The following RUSC1 variants were observed in gnomAD, a reference collection of about 807,000 sequenced individuals.
RUSC1 encodes the protein RUN and SH3 domain containing 1.
RUSC1 carries 40 observed loss-of-function variants against 72.1 expected under a neutral mutation model. The observed-to-expected ratio is 0.55, with a 90% CI of 0.43 to 0.72. The LOEUF is 0.72. Among genes scored for constraint, RUSC1 ranks in the 30% least tolerant of loss-of-function variants. RUSC1 has a pLI of 0.00. For missense variants in RUSC1, 1,092 were observed against 1,172.3 expected, an observed-to-expected ratio of 0.93 and a Z score of 1.00; for synonymous variants, 512 against 494.2, an observed-to-expected ratio of 1.04 and a Z score of -0.48.
In RUSC1 at chr1:155,322,708, C is replaced by T. The variant is rs1484793199; in HGVS notation, c.935C>T (p.Thr312Ile). The T allele has an allele frequency of 6.2e-7, 1 of 1,614,248 alleles. No homozygotes were observed. Among genetic ancestry groups the T allele is most frequent in the Non-Finnish European group, 8.5e-7 (1 of 1,180,050 alleles). ...DVSEEPVPHR[T>I]ITSFHELAQK... ...AGCGAGGAGCCGGTGCCCCACCGGA[C>T]AATCACGTCCTTCCACGAGCTGGCC... Residue 312 changes from threonine to isoleucine, a missense_variant, in exon 2 of 10, where the codon ACA (threonine) becomes ATA (isoleucine). Physicochemically the swap from Thr to Ile is moderately conservative, Grantham distance 89. Transcript: ENST00000368352.
Position 155,325,265 on chromosome 1 carries a change from G to A in RUSC1, c.1534-51G>A. 1 of 1,608,828 alleles carries A rather than the reference G, an allele frequency of 6.2e-7. No homozygotes were observed. ...CGGGAATGGTTGGCGGGAGGTGGCT[G>A]GGAGGTGTCTGGAGGGATCTCTGGA... On this transcript the variant is annotated intron_variant, in intron 4 of 9. Transcript: ENST00000368352. The surrounding 1 kb of genome is among the most constrained non-coding windows in gnomAD (Gnocchi z 6.5).
chr1:155,321,700 G>GGTT lies in RUSC1; in HGVS notation c.-72_-70dup. Reference sequence around the variant, plus strand: ...CTCTGTCTTCTAGGTCTGCACCTGTGGTTGCCAGGTAGGTGGATGTGAGAG... The same window carrying GGTT: ...CTCTGTCTTCTAGGTCTGCACCTGTGGTTGTTGCCAGGTAGGTGGATGTGAGAG... On this transcript the variant is annotated 5_prime_UTR_variant, in exon 2 of 10. Coordinates refer to ENST00000368352, the MANE Select transcript of RUSC1 (RefSeq NM_001105203.2). 1 of 1,565,268 alleles carries GGTT rather than the reference G, an allele frequency of 6.4e-7. No homozygotes were observed. Among genetic ancestry groups the GGTT allele is most frequent in the Non-Finnish European group, 8.7e-7 (1 of 1,142,900 alleles).
At position 155,325,887 on chromosome 1, in the gene RUSC1, T is replaced by C; in HGVS notation, c.1838T>C (p.Phe613Ser). 1 of 1,614,132 alleles carries C rather than the reference T, an allele frequency of 6.2e-7. No individual in the cohort carries two copies. Among genetic ancestry groups the C allele is most frequent in the Non-Finnish European group, 8.5e-7 (1 of 1,180,022 alleles). The change falls in exon 7 of 10, where the codon TTT (phenylalanine) becomes TCT (serine). Residue 613 changes from phenylalanine to serine, a missense_variant. Physicochemically the swap from Phe to Ser is radical, Grantham distance 155 (BLOSUM62 -2). Transcript: ENST00000368352. The surrounding 1 kb of genome is among the most constrained non-coding windows in gnomAD (Gnocchi z 6.5). ...LLNTKQLELW[F>S]SSLQEDAGLL... is the part of the protein sequence containing the mutation. The stretch of plus-strand genomic sequence containing the variant: ...AGCACCAAGCAGTTGGAGCTGTGGT[T>C]TTCCAGTCTCCAGGAAGATGCAGGT...
In RUSC1 at chr1:155,326,836, T is replaced by G. The variant is rs1204612113; in HGVS notation, c.2118T>G (p.Leu706=). 5 of 1,613,472 alleles carry G rather than the reference T, an allele frequency of 3.1e-6. No homozygotes were observed. The highest frequency in any genetic ancestry group is 1.3e-5 in the African/African-American group (1 of 74,940). The change falls in exon 8 of 10, where the codon CTT becomes CTG. Residue 706 remains leucine, a synonymous_variant. Coordinates refer to ENST00000368352, the MANE Select transcript of RUSC1 (RefSeq NM_001105203.2). The surrounding 1 kb of genome is among the most constrained non-coding windows in gnomAD (Gnocchi z 4.7). The part of the protein sequence containing the change: ...LHFGGRLAQS[L]RGTSKEAASD... Reference sequence around the variant, plus strand: ...TTGGGGGCCGGCTGGCCCAGAGCCTTCGGGGGACTTCCAAGGAAGCTGCTT... The same window carrying G: ...TTGGGGGCCGGCTGGCCCAGAGCCTGCGGGGGACTTCCAAGGAAGCTGCTT...
chr1:155,324,575 C>T (rs776253497), intron 2 of RUSC1: 4 of 1,574,884 alleles, frequency 2.5e-6, no homozygotes, highest in Non-Finnish European at 3.4e-6. Context: ...CCCGGAGTTC[C>T]GGGATCCTGG....
At position 155,320,940 on chromosome 1, in the gene RUSC1, C is replaced by T; in HGVS notation, c.-138C>T. 1 of 1,568,064 alleles carries T rather than the reference C, an allele frequency of 6.4e-7. No homozygotes were observed. Among genetic ancestry groups the T allele is most frequent in the Non-Finnish European group, 8.7e-7 (1 of 1,155,286 alleles). ...CGCTCTGTGCCCCGCCGGGCGGGGA[C>T]CGTGGGAGCCGCGGACAAGCCCAAG... On this transcript the variant is annotated 5_prime_UTR_variant, in exon 1 of 10. Coordinates refer to ENST00000368352, the MANE Select transcript of RUSC1 (RefSeq NM_001105203.2).
At position 155,321,726 on chromosome 1, in the gene RUSC1, A is replaced by G; in HGVS notation, c.-48A>G. The G allele has an allele frequency of 6.2e-7, 1 of 1,608,060 alleles. No homozygotes were observed. Among genetic ancestry groups the G allele is most frequent in the South Asian group, 1.1e-5 (1 of 90,356 alleles). The stretch of plus-strand genomic sequence containing the variant: ...GTTGCCAGGTAGGTGGATGTGAGAG[A>G]CCCTACCCTTCTGGTTCTCTAGAAG... On this transcript the variant is annotated 5_prime_UTR_variant, in exon 2 of 10. Coordinates refer to ENST00000368352, the MANE Select transcript of RUSC1 (RefSeq NM_001105203.2).
chr1:155,324,981 A>G (rs4971075), intron 3 of RUSC1, 38 bp downstream of exon 3: 1,593,953 of 1,614,054 alleles, frequency 0.99, 788,754 homozygotes, highest in East Asian at 1. Flanking sequence ...GCTTCCGAAT[A>G]AACTGCCCTT....
intron 2 of RUSC1, 99 bp downstream of exon 2, chr1:155,323,229 C>T (rs1650812844): frequency 2.4e-6 from 3 of 1,276,496 alleles, no homozygotes; most frequent in Non-Finnish European, 3.0e-6. Context: ...TTCTGTGTCA[C>T]CCATCCTCCC....
At chr1:155,324,551 G>C (rs749584932) in intron 2 of RUSC1, 11 of 1,585,850 alleles carry the variant, frequency 6.9e-6, no homozygotes, top group Non-Finnish European at 9.4e-6. Context: ...GGAGGTGAGC[G>C]CGGCCATCCC....
chr1:155,323,813 G>T (rs899551918), intron 2 of RUSC1: 13 of 646,784 alleles, frequency 2.0e-5, no homozygotes, highest in Non-Finnish European at 2.3e-5. Flanking sequence ...CCCAGGCTAC[G>T]TAAGACGGAC....
intron 2 of RUSC1, chr1:155,324,040 C>T (rs1452442333): frequency 4.7e-6 from 5 of 1,069,736 alleles, no homozygotes; most frequent in African/African-American, 1.7e-5. Context: ...GCCCCCTCTC[C>T]CTCCAGACCC....
chr1:155,324,449 G>A, intron 2 of RUSC1: 1 of 1,612,612 alleles, frequency 6.2e-7, no homozygotes, highest in Non-Finnish European at 8.5e-7. Context: ...GGGCTCCGCA[G>A]GCAGGACTGG....
chr1:155,324,472 T>C lies in RUSC1; in HGVS notation c.1358-373T>C, dbSNP rs781275880. The C allele has an allele frequency of 3.0e-5, 48 of 1,609,732 alleles. No individual in the cohort carries two copies. The South Asian group carries it at 5.0e-4, about 17-fold the overall frequency. On this transcript the variant is annotated intron_variant, in intron 2 of 9. Coordinates refer to ENST00000368352, the MANE Select transcript of RUSC1 (RefSeq NM_001105203.2). ...CAGGCAGGACTGGGCCCCGGGGCGGTGCGCTGGGCTACACCTCCCTCCCCG... is the reference window on the plus strand; with the variant it reads ...CAGGCAGGACTGGGCCCCGGGGCGGCGCGCTGGGCTACACCTCCCTCCCCG...
Position 155,321,875 on chromosome 1 carries a change from G to A in RUSC1, c.102G>A (p.Glu34=), listed in dbSNP as rs773408986. Residue 34 remains glutamate (E), a synonymous_variant, in exon 2 of 10, where the codon GAG becomes GAA. Coordinates refer to ENST00000368352, the MANE Select transcript of RUSC1 (RefSeq NM_001105203.2). The stretch of plus-strand genomic sequence containing the variant: ...TGTCCCGCCGTCCTGAGCTACAGGA[G>A]GGGCCTTTGAGCACACCCCCTCCTC... The part of the protein sequence containing the change: ...LHLSRRPELQ[E]GPLSTPPPPG... 1 of 1,613,448 alleles carries A rather than the reference G, an allele frequency of 6.2e-7. No individual in the cohort carries two copies. Among genetic ancestry groups the A allele is most frequent in the South Asian group, 1.1e-5 (1 of 91,080 alleles).
chr1:155,325,127 C>T lies in RUSC1; in HGVS notation c.1482C>T (p.Ser494=), dbSNP rs1651189832. ...GTCTTCTGATAGCCGTCAGCGTCTC[C>T]GTTGATAAAATCATCTCGCATTTCG... The part of the protein sequence containing the change: ...KKGLLIAVSV[S]VDKIISHFGA... The change falls in exon 4 of 10, where the codon TCC becomes TCT. Residue 494 remains serine, a synonymous_variant. Transcript: ENST00000368352. The surrounding 1 kb of genome is among the most constrained non-coding windows in gnomAD (Gnocchi z 6.5). The T allele has an allele frequency of 2.5e-6, 4 of 1,614,246 alleles. No individual in the cohort carries two copies. The highest frequency in any genetic ancestry group is 3.3e-5 in the Admixed American group (2 of 60,032).
rs907218689 is a variant in RUSC1 at position 155,325,007 on chromosome 1, T to C, written c.1456+64T>C. On this transcript the variant is annotated intron_variant, in intron 3 of 9. Transcript: ENST00000368352. This position sits in a 1 kb window ranked among gnomAD's most constrained non-coding sequence, Gnocchi z 6.5. ...AACTGCCCTTCGCCCCCGGCCCTGC[T>C]CTCAGGCTGTCCGAAGGCAGTCTCT... The C allele has an allele frequency of 3.1e-6, 5 of 1,613,574 alleles. No individual in the cohort carries two copies. The highest frequency in any genetic ancestry group is 1.7e-5 in the Admixed American group (1 of 60,002).
At chr1:155,321,606 G>T (rs1387652933) in intron 1 of RUSC1, 82 bp from the exon 2 acceptor site, 4 of 1,249,998 alleles carry the variant, frequency 3.2e-6, no homozygotes, top group East Asian at 2.4e-5. Context: ...CTTCAGGCCT[G>T]CTGCTGCCGT....
Position 155,320,935 on chromosome 1 carries a change from G to C in RUSC1, c.-143G>C. On this transcript the variant is annotated 5_prime_UTR_variant, in exon 1 of 10. Transcript: ENST00000368352. Reference sequence around the variant, plus strand: ...CCTCCCGCTCTGTGCCCCGCCGGGCGGGGACCGTGGGAGCCGCGGACAAGC... The same window carrying C: ...CCTCCCGCTCTGTGCCCCGCCGGGCCGGGACCGTGGGAGCCGCGGACAAGC... The C allele has an allele frequency of 6.4e-7, 1 of 1,572,378 alleles. No homozygotes were observed. Among genetic ancestry groups the C allele is most frequent in the East Asian group, 2.4e-5 (1 of 42,546 alleles).
Sources: gnomAD v4.1 joint callset for allele counts on GRCh38, gnomAD v4.1.1 for gene constraint, Gnocchi (gnomAD v3.1) non-coding constraint, MANE v1.5 for transcripts, NCBI Gene and HGNC (gene_info 2026-07-23, HGNC 2026-07-21) for gene names.